Variants in CTNNA2 observed in about 807,000 individuals in gnomAD.
CTNNA2 encodes the protein catenin alpha-2.
Under a neutral mutation model 101.0 loss-of-function variants are expected in CTNNA2, and 42 were observed. That is an observed-to-expected ratio of 0.42 (90% CI 0.32 to 0.54). The LOEUF is 0.54. CTNNA2 is among the 20% of genes least tolerant of loss of function. The pLI is 0.14. For missense variants in CTNNA2, 871 were observed against 1,223.1 expected, an observed-to-expected ratio of 0.71 and a Z score of 4.29; for synonymous variants, 450 against 456.4, an observed-to-expected ratio of 0.99 and a Z score of 0.18.
At chr2:80,294,412 C>A (rs376940470) in intron 7 of CTNNA2, among the ~76,000 whole-genome samples, 3 of 152,022 alleles carry the variant, frequency 2.0e-5, no homozygotes, top group Admixed American at 2.0e-4. Flanking sequence ...AGGTGACTCC[C>A]TTCTCCCTGC....
chr2:79,571,822 T>C (rs2103826501), intron 1 of CTNNA2, among the ~76,000 whole-genome samples: 1 of 152,314 alleles, frequency 6.6e-6, no homozygotes, highest in South Asian at 2.1e-4. Context: ...TTTTTTCTTG[T>C]TCAATGCTTT....
chr2:79,736,579 GAATA>G (rs1424454591), intron 2 of CTNNA2, among the ~76,000 whole-genome samples: 5 of 152,082 alleles, frequency 3.3e-5, no homozygotes, highest in Middle Eastern at 3.2e-3. Flanking sequence ...GTTGCTGCTG[GAATA>G]AATAGAGTGT....
chr2:79,204,723 A>T (rs548085700), intron 2 of CTNNA2, among the ~76,000 whole-genome samples: 75 of 152,302 alleles, frequency 4.9e-4, no homozygotes, highest in African/African-American at 1.7e-3. Context: ...AGGTTCAGTT[A>T]TTTGGTGAGG....
intron 4 of CTNNA2, among the ~76,000 whole-genome samples, chr2:79,423,405 A>T (rs1352460872): frequency 6.6e-6 from 1 of 152,150 alleles, no homozygotes; most frequent in South Asian, 2.1e-4. Context: ...GTCCTGAATA[A>T]ATTCCTGATT....
chr2:79,287,544 G>T (rs1339992563), intron 2 of CTNNA2, among the ~76,000 whole-genome samples: 2 of 109,188 alleles, frequency 1.8e-5, no homozygotes, highest in African/African-American at 3.9e-5. Flanking sequence ...CCTGCTGGGG[G>T]GTGCCTCCCA....
rs529972998 is a variant in CTNNA2 at position 79,899,411 on chromosome 2, G to C, written c.853-10183G>C. ...GCAACACACAGAGATGATGGGATTA[G>C]GGAAAATGAAGTTGGCATCCACTAG... On this transcript the variant is annotated intron_variant, in intron 6 of 18. Transcript: ENST00000402739. Among the ~76,000 whole-genome samples, 23 of 152,224 alleles carry C rather than the reference G, an allele frequency of 1.5e-4. No homozygotes were observed. The South Asian group carries it at 4.8e-3, about 32-fold the overall frequency.
At chr2:80,359,115 C>T (rs1674139337) in intron 7 of CTNNA2, among the ~76,000 whole-genome samples, 1 of 152,046 alleles carries the variant, frequency 6.6e-6, no homozygotes, top group African/African-American at 2.4e-5. Context: ...TGGCTCACAC[C>T]TGTAATCACC....
intron 7 of CTNNA2, among the ~76,000 whole-genome samples, chr2:80,318,495 A>G (rs1488175105): frequency 2.6e-5 from 4 of 152,146 alleles, no homozygotes; most frequent in African/African-American, 9.7e-5. Flanking sequence ...CCTTCTCTAT[A>G]TAAAGAGTGG....
chr2:79,722,615 A>C (rs1394349168), intron 2 of CTNNA2, among the ~76,000 whole-genome samples: 1 of 152,094 alleles, frequency 6.6e-6, no homozygotes, highest in Non-Finnish European at 1.5e-5. Flanking sequence ...CTCACAGTAC[A>C]CTTTTTCCTT....
chr2:80,217,322 C>G (rs941708292), intron 7 of CTNNA2, among the ~76,000 whole-genome samples: 1 of 151,992 alleles, frequency 6.6e-6, no homozygotes, highest in African/African-American at 2.4e-5. Context: ...TAACTTCATC[C>G]TCTTCATCAG....
intron 2 of CTNNA2, among the ~76,000 whole-genome samples, chr2:79,299,156 A>G (rs1676049207): frequency 6.6e-6 from 1 of 152,144 alleles, no homozygotes; most frequent in Non-Finnish European, 1.5e-5. Context: ...GGAGTGGAGT[A>G]GGCAATAACC....
chr2:80,302,125 C>T lies in CTNNA2; in HGVS notation c.1057-91086C>T. 1 of 1,216,202 alleles carries T rather than the reference C, an allele frequency of 8.2e-7. No individual in the cohort carries two copies. The highest frequency in any genetic ancestry group is 1.1e-6 in the Non-Finnish European group (1 of 893,518). 75.3% of individuals were successfully genotyped at this position (1,216,202 alleles called of 1,614,324 possible). A position where few individuals can be genotyped will look rare whatever the true frequency, so the allele number is the denominator to read the frequency against. The stretch of plus-strand genomic sequence containing the variant: ...AAATGTCAAGTCTCTGGGAGAGATC[C>T]CCTTAAAGTTTCAGTCAAGGAGCAT... On this transcript the variant is annotated intron_variant, in intron 7 of 18. Coordinates refer to ENST00000402739, the MANE Select transcript of CTNNA2 (RefSeq NM_001282597.3). This position sits in a 1 kb window ranked among gnomAD's most constrained non-coding sequence, Gnocchi z 6.4.
intron 4 of CTNNA2, among the ~76,000 whole-genome samples, chr2:79,456,914 G>C (rs914607010): frequency 6.6e-6 from 1 of 152,056 alleles, no homozygotes; most frequent in Non-Finnish European, 1.5e-5. Context: ...TAAATAATTA[G>C]AATTCGGCCG....
intron 7 of CTNNA2, chr2:80,313,533 A>T: frequency 6.2e-7 from 1 of 1,606,536 alleles, no homozygotes; most frequent in Non-Finnish European, 8.5e-7. Flanking sequence ...GAGCAAGACC[A>T]GGTAGAGGAA....
rs745910121 is a variant in CTNNA2 at position 80,098,867 on chromosome 2, C to T, written c.1056+189070C>T. ...AAGCCTGTTGGAAAAGCGCAGTATT[C>T]GGGTGGAAGTAACCCGATTTTCCAG... On this transcript the variant is annotated intron_variant, in intron 7 of 18. Coordinates refer to ENST00000402739, the MANE Select transcript of CTNNA2 (RefSeq NM_001282597.3). 9.9e-5 allele frequency among the ~76,000 whole-genome samples: 15 copies of T among 152,238 alleles called. 1 individual carries two copies. Among genetic ancestry groups the T allele is most frequent in the East Asian group, 7.8e-4 (4 of 5,150 alleles).
intron 3 of CTNNA2, among the ~76,000 whole-genome samples, chr2:79,757,116 G>T (rs1672452762): frequency 6.6e-6 from 1 of 152,166 alleles, no homozygotes; most frequent in Admixed American, 6.6e-5. Flanking sequence ...ACCTAATCTT[G>T]TTCCATTTTC....
intron 7 of CTNNA2, among the ~76,000 whole-genome samples, chr2:79,913,739 A>T (rs1685975592): frequency 6.6e-6 from 1 of 152,224 alleles, no homozygotes; most frequent in Admixed American, 6.5e-5. Flanking sequence ...CTGTTTTATG[A>T]ACATAAAATC....
chr2:80,269,140 T>A (rs965405690), intron 7 of CTNNA2, among the ~76,000 whole-genome samples: 1 of 152,188 alleles, frequency 6.6e-6, no homozygotes, highest in Admixed American at 6.5e-5. Context: ...GGTGATATAG[T>A]TTGGCTGTGT....
intron 9 of CTNNA2, among the ~76,000 whole-genome samples, chr2:80,542,713 G>T: frequency 6.6e-6 from 1 of 152,034 alleles, no homozygotes; most frequent in East Asian, 1.9e-4. Context: ...TGCACAGCAA[G>T]CAGGGATGGT....
Sources: allele counts gnomAD v4.1 joint callset (sites outside exome capture counted in the v4.1 genomes callset), GRCh38; gene constraint gnomAD v4.1.1; non-coding constraint Gnocchi (gnomAD v3.1); transcripts MANE v1.5; gene names NCBI Gene and HGNC (gene_info 2026-07-23, HGNC 2026-07-21).